PCBP3: variants seen among roughly 807,000 people sequenced by gnomAD.
PCBP3 encodes the protein poly(rC)-binding protein 3.
Under a neutral mutation model 52.7 loss-of-function variants are expected in PCBP3, and 25 were observed. That is an observed-to-expected ratio of 0.47 (90% confidence interval 0.35 to 0.66). PCBP3 has a LOEUF of 0.66. PCBP3 is among the 30% of genes least tolerant of loss of function. The pLI is 0.01. For synonymous variants in PCBP3, 162 were observed against 183.0 expected (o/e 0.89, Z 0.93); for missense variants, 391 against 490.3 (o/e 0.80, Z 1.91).
In PCBP3 at chr21:45,896,274, AGCCACAATTTG is replaced by A. The variant is rs1453381239; in HGVS notation, c.80_90del (p.Pro27GlnfsTer43). 1.9e-6 allele frequency: 3 copies of A among 1,552,052 alleles called. No homozygotes were observed. Among genetic ancestry groups the A allele is most frequent in the Non-Finnish European group, 2.6e-6 (3 of 1,147,050 alleles). ...CTCAGCACCTTAAGCCACCACCCTC[AGCCACAATTTG>A]GCAGAAGGATGGAGTCCAAGGTCTC... On this transcript the variant is annotated frameshift_variant, in exon 6 of 18. Coordinates refer to ENST00000681687, the MANE Select transcript of PCBP3 (RefSeq NM_001384156.1). LOFTEE classifies it high-confidence loss of function.
intron 4 of PCBP3, among the ~76,000 whole-genome samples, chr21:45,758,722 G>T (rs912967997): frequency 2.0e-5 from 3 of 151,696 alleles, no homozygotes; most frequent in Non-Finnish European, 4.4e-5. Context: ...TAACCCACAG[G>T]CTCTTTATTT....
chr21:45,818,634 G>C (rs1211693652), intron 4 of PCBP3, among the ~76,000 whole-genome samples: 1 of 152,182 alleles, frequency 6.6e-6, no homozygotes, highest in East Asian at 1.9e-4. Context: ...CTCTCTAACC[G>C]TGAGATCTAT....
At chr21:45,930,039 G>A (rs1369223185) in intron 14 of PCBP3, 44 bp downstream of exon 14, 9 of 1,390,320 alleles carry the variant, frequency 6.5e-6, no homozygotes, top group East Asian at 2.3e-5. Flanking sequence ...TTCTCACCTG[G>A]GGACTTTCTC....
chr21:45,750,170 C>T (rs2838989), intron 3 of PCBP3: 29,910 of 152,234 alleles, frequency 0.2, 3,200 homozygotes, highest in Middle Eastern at 0.34. Context: ...GTGAGGTTGC[C>T]GACTCAGTGC....
In PCBP3 at chr21:45,908,613, C is replaced by T. The variant is rs563303694; in HGVS notation, c.340-742C>T. Among the ~76,000 whole-genome samples the T allele has an allele frequency of 6.0e-5, 9 of 150,996 alleles. No individual in the cohort carries two copies. The East Asian group carries it at 9.7e-4, about 16-fold the overall frequency. ...ACTGCCTCTGCCGCGCTGTCCGCCA[C>T]GCTCTGCAGCGAGCTCCGGAGCTGC... On this transcript the variant is annotated intron_variant, in intron 9 of 17. Transcript: ENST00000681687.
intron 4 of PCBP3, among the ~76,000 whole-genome samples, chr21:45,815,086 G>A (rs2092849188): frequency 6.2e-5 from 2 of 32,268 alleles, no homozygotes; most frequent in African/African-American, 1.5e-4. Flanking sequence ...TGGGTGAGTG[G>A]TGAGTGATGA....
chr21:45,933,227 C>T (rs2076511828), intron 15 of PCBP3, among the ~76,000 whole-genome samples: 1 of 148,492 alleles, frequency 6.7e-6, no homozygotes, highest in Non-Finnish European at 1.5e-5. Flanking sequence ...GAATGAACAC[C>T]TGGGCCATGC....
chr21:45,806,465 C>T (rs1328615315), intron 4 of PCBP3, among the ~76,000 whole-genome samples: 2 of 150,810 alleles, frequency 1.3e-5, no homozygotes, highest in Non-Finnish European at 2.9e-5. Flanking sequence ...AACAATATGG[C>T]CAATGCAGTC....
chr21:45,912,969 G>C (rs2096429988), intron 11 of PCBP3, among the ~76,000 whole-genome samples: 1 of 152,168 alleles, frequency 6.6e-6, no homozygotes, highest in African/African-American at 2.4e-5. Flanking sequence ...CCTGAGTGCT[G>C]GGCTGGCCCT....
intron 4 of PCBP3, among the ~76,000 whole-genome samples, chr21:45,815,903 GGTGAGTGGTGAGTGATGAGTGAGTGGTGA>G (rs1262644920): frequency 7.9e-4 from 91 of 115,448 alleles, no homozygotes; most frequent in Non-Finnish European, 1.3e-3. Flanking sequence ...ATGAGTGATG[GGTGAGTGGTGAGTGATGAGTGAGTGGTGA>G]GTGAGTGGTG....
At chr21:45,685,760 A>T (rs894723287) in intron 2 of PCBP3, among the ~76,000 whole-genome samples, 2 of 152,092 alleles carry the variant, frequency 1.3e-5, no homozygotes, top group Admixed American at 1.3e-4. Flanking sequence ...ACATGGAAAG[A>T]CTCTGAAGAG....
intron 4 of PCBP3, among the ~76,000 whole-genome samples, chr21:45,758,956 TG>T (rs2088344698): frequency 6.6e-6 from 1 of 152,230 alleles, no homozygotes; most frequent in African/African-American, 2.4e-5. Context: ...ATTAAAATAA[TG>T]TATGGTTTTT....
chr21:45,772,396 T>TA (rs2089942049), intron 4 of PCBP3, among the ~76,000 whole-genome samples: 1 of 152,188 alleles, frequency 6.6e-6, no homozygotes, highest in African/African-American at 2.4e-5. Flanking sequence ...GACATGGTTT[T>TA]ATTCTTTTTT....
At chr21:45,682,204 C>T (rs928193028) in intron 2 of PCBP3, among the ~76,000 whole-genome samples, 1 of 152,180 alleles carries the variant, frequency 6.6e-6, no homozygotes, top group African/African-American at 2.4e-5. Context: ...TTCCCCCTCC[C>T]ACCCAACATC....
intron 1 of PCBP3, among the ~76,000 whole-genome samples, chr21:45,653,952 T>A (rs1415584265): frequency 6.6e-6 from 1 of 152,206 alleles, no homozygotes; most frequent in African/African-American, 2.4e-5. Flanking sequence ...ATCCAGATAA[T>A]GTAGTTATAC....
chr21:45,804,541 T>C (rs1355086432), intron 4 of PCBP3, among the ~76,000 whole-genome samples: 1 of 152,124 alleles, frequency 6.6e-6, no homozygotes, highest in South Asian at 2.1e-4. Flanking sequence ...CATTTGCTTA[T>C]GAAAGACTTG....
chr21:45,899,339 A>G (rs974248201), intron 6 of PCBP3, among the ~76,000 whole-genome samples: 1 of 152,068 alleles, frequency 6.6e-6, no homozygotes, highest in Non-Finnish European at 1.5e-5. Context: ...CCCCCGGGGC[A>G]CTTACAGTCA....
At chr21:45,726,558 C>T (rs965358753) in intron 2 of PCBP3, among the ~76,000 whole-genome samples, 1 of 152,158 alleles carries the variant, frequency 6.6e-6, no homozygotes, top group Non-Finnish European at 1.5e-5. Context: ...TCCCTGCTTT[C>T]CCCTGTCAGT....
intron 4 of PCBP3, among the ~76,000 whole-genome samples, chr21:45,826,190 G>A (rs1327640697): frequency 2.0e-5 from 3 of 152,074 alleles, no homozygotes; most frequent in African/African-American, 7.2e-5. Flanking sequence ...CCCGGGAGGT[G>A]GAGGTTGTGG....
Sources: allele counts gnomAD v4.1 joint callset (sites outside exome capture counted in the v4.1 genomes callset), GRCh38; gene constraint gnomAD v4.1.1; transcripts MANE v1.5; gene names NCBI Gene and HGNC (gene_info 2026-07-23, HGNC 2026-07-21).